NUP98: variants seen among roughly 807,000 people sequenced by gnomAD.
NUP98 encodes the protein nucleoporin 98 and 96 precursor.
Under a neutral mutation model 191.9 loss-of-function variants are expected in NUP98, and 26 were observed. The ratio of observed to expected loss-of-function variants is 0.14; its 90% CI spans 0.10 to 0.19. The LOEUF is 0.19. Ranked by LOEUF, NUP98 falls within the 10% of genes least tolerant of loss-of-function variation. The probability of loss-of-function intolerance (pLI) is 1.00; values close to 1 mark genes in which losing one functional copy is unlikely to be tolerated. For missense variants in NUP98, 1,941 were observed against 2,178.8 expected, an observed-to-expected ratio of 0.89 and a Z score of 2.17; for synonymous variants, 808 against 778.4, an observed-to-expected ratio of 1.04 and a Z score of -0.63.
intron 31 of NUP98, among the ~76,000 whole-genome samples, chr11:3,677,450 T>C (rs1437283311): frequency 4.0e-5 from 6 of 150,150 alleles, no homozygotes; most frequent in African/African-American, 1.5e-4. Flanking sequence ...GGTCTCGTTA[T>C]GTTGCTCAGG....
chr11:3,740,234 G>A (rs2080230821), intron 12 of NUP98, among the ~76,000 whole-genome samples: 1 of 152,180 alleles, frequency 6.6e-6, no homozygotes, highest in Admixed American at 6.5e-5. Flanking sequence ...GTCTAAGCCA[G>A]GCGCGGTGGC....
At chr11:3,759,075 C>T (rs1183345707) in intron 10 of NUP98, among the ~76,000 whole-genome samples, 1 of 152,072 alleles carries the variant, frequency 6.6e-6, no homozygotes, top group African/African-American at 2.4e-5. Flanking sequence ...AGTACAGGAT[C>T]GTTCAAAAGC....
At chr11:3,753,287 T>A in intron 11 of NUP98, 29 bp downstream of exon 11, 1 of 1,547,144 alleles carries the variant, frequency 6.5e-7, no homozygotes, top group Non-Finnish European at 8.9e-7. Context: ...CTGTGTCACT[T>A]CCTAGATCTC....
chr11:3,692,500 G>T (rs1052658998), intron 27 of NUP98, among the ~76,000 whole-genome samples: 4 of 151,700 alleles, frequency 2.6e-5, no homozygotes, highest in African/African-American at 9.7e-5. Context: ...AGTGGCACAT[G>T]CCTGTAGTCC....
At position 3,762,949 on chromosome 11, in the gene NUP98, T is replaced by A. The variant is rs751688099; in HGVS notation, c.1039A>T (p.Thr347Ser). 3 of 1,614,070 alleles carry A rather than the reference T, an allele frequency of 1.9e-6. No homozygotes were observed. Among genetic ancestry groups the A allele is most frequent in the Non-Finnish European group, 2.5e-6 (3 of 1,180,050 alleles). The change falls in exon 9 of 33, where the codon ACA becomes TCA. Residue 347 changes from threonine to serine, a missense_variant. By Grantham distance (58) the Thr-to-Ser change is moderately conservative. Transcript: ENST00000324932. ...TSTGTAFGTG[T>S]GLFGQTNTGF... ...GTATTGGTCTGCCCAAAGAGACCTG[T>A]TCCTGTTCCAAATGCTGTCCCAGTG...
intron 4 of NUP98, 142 bp downstream of exon 4, chr11:3,778,731 A>C: frequency 1.3e-6 from 1 of 743,244 alleles, no homozygotes; most frequent in East Asian, 2.5e-5. Flanking sequence ...TTTTCAGTAC[A>C]TATTGAAGTT....
Position 3,777,602 on chromosome 11 carries a change from C to A in NUP98, c.355+1271G>T, listed in dbSNP as rs1218398696. Among the ~76,000 whole-genome samples the A allele has an allele frequency of 1.5e-4, 16 of 109,888 alleles. No homozygotes were observed. The South Asian group carries it at 3.6e-3, about 25-fold the overall frequency. 72.1% of individuals were successfully genotyped at this position (109,888 alleles called of 152,430 possible). A position where few individuals can be genotyped will look rare whatever the true frequency, so the allele number is the denominator to read the frequency against. ...CGCCACTGCACTCCAGCCCGGGTAA[C>A]AGATCAAGACTCCGTCTCAAAAAAA... On this transcript the variant is annotated intron_variant, in intron 4 of 32. Coordinates refer to ENST00000324932, the MANE Select transcript of NUP98 (RefSeq NM_016320.5).
rs1222243880 is a variant in NUP98 at position 3,753,383 on chromosome 11, A to G, written c.1200T>C (p.Asn400=). ...LFGFGTNTSG[N]SIFGSKPAPG... is the part of the protein sequence containing the mutation. Reference sequence around the variant, plus strand: ...GTGCTGGTTTACTTCCAAAAATACTATTCCCACTGGTATTTGTGCCAAAAC... The same window carrying G: ...GTGCTGGTTTACTTCCAAAAATACTGTTCCCACTGGTATTTGTGCCAAAAC... The change falls in exon 11 of 33, where the codon AAT becomes AAC. Residue 400 remains asparagine, a synonymous_variant. Coordinates refer to ENST00000324932, the MANE Select transcript of NUP98 (RefSeq NM_016320.5). 1 of 1,613,842 alleles carries G rather than the reference A, an allele frequency of 6.2e-7. No individual in the cohort carries two copies. Among genetic ancestry groups the G allele is most frequent in the African/African-American group, 1.3e-5 (1 of 74,902 alleles).
At chr11:3,689,861 T>C (rs1386723352) in intron 28 of NUP98, among the ~76,000 whole-genome samples, 1 of 151,148 alleles carries the variant, frequency 6.6e-6, no homozygotes, top group African/African-American at 2.4e-5. Context: ...GGCCTCGAAC[T>C]CCTGGGCTCA....
At chr11:3,792,103 C>T (rs1447194524) in intron 1 of NUP98, among the ~76,000 whole-genome samples, 5 of 134,862 alleles carry the variant, frequency 3.7e-5, no homozygotes, top group African/African-American at 8.4e-5. Flanking sequence ...GGCGTGAACC[C>T]GGGAAGTGGA....
intron 11 of NUP98, among the ~76,000 whole-genome samples, chr11:3,750,906 G>T (rs555655865): frequency 1.4e-3 from 220 of 152,228 alleles, no homozygotes; most frequent in African/African-American, 4.5e-3. Context: ...AAAGTGCTGG[G>T]ATTAGAAGCA....
chr11:3,683,516 C>A, intron 29 of NUP98, 75 bp from the exon 30 acceptor site: 1 of 1,515,388 alleles, frequency 6.6e-7, no homozygotes. Context: ...CTTAGAGTGG[C>A]CCTTGGGGCA....
chr11:3,712,889 A>G (rs560717304), intron 19 of NUP98, among the ~76,000 whole-genome samples, 161 bp from the exon 20 acceptor site: 46 of 152,264 alleles, frequency 3.0e-4, no homozygotes, highest in Non-Finnish European at 6.2e-4. Flanking sequence ...TTTATCTAAG[A>G]TTTAGAAGAC....
chr11:3,744,400 G>C (rs529145173), intron 12 of NUP98, 109 bp downstream of exon 12: 1 of 1,065,426 alleles, frequency 9.4e-7, no homozygotes, highest in Non-Finnish European at 1.3e-6. Flanking sequence ...TTAATGACAT[G>C]CATGTATGCA....
chr11:3,721,583 C>A (rs2079402630), intron 16 of NUP98, among the ~76,000 whole-genome samples: 1 of 152,062 alleles, frequency 6.6e-6, no homozygotes, highest in South Asian at 2.1e-4. Flanking sequence ...CTTGTAATCC[C>A]AGCTACTCGG....
At chr11:3,735,373 C>T (rs1047829509) in intron 12 of NUP98, 49 bp from the exon 13 acceptor site, 14 of 983,442 alleles carry the variant, frequency 1.4e-5, no homozygotes, top group Non-Finnish European at 1.9e-5. Context: ...TATATAAATG[C>T]AAGGATACAA....
chr11:3,735,131 C>T, intron 13 of NUP98, 60 bp downstream of exon 13: 1 of 1,455,222 alleles, frequency 6.9e-7, no homozygotes, highest in Non-Finnish European at 9.1e-7. Context: ...AAATTACATT[C>T]TGCACATTCA....
At chr11:3,701,428 AT>A (rs1189324983) in intron 23 of NUP98, among the ~76,000 whole-genome samples, 1 of 151,630 alleles carries the variant, frequency 6.6e-6, no homozygotes, top group African/African-American at 2.4e-5. Flanking sequence ...CCCTGGGCTA[AT>A]TTTTGTAATT....
rs148318490 is a variant in NUP98, at chr11:3,748,590, A to C, written c.1268-3941T>G. Among the ~76,000 whole-genome samples the C allele has an allele frequency of 2.2e-3, 339 of 152,340 alleles. 3 individuals carry two copies. The highest frequency in any genetic ancestry group is 7.7e-3 in the African/African-American group (319 of 41,586). ...GAGGCTGAGGCAGGCAGATCACCTGAGGTCAGTCGTCCAAGACCAGCCTGG... is the reference window on the plus strand; with the variant it reads ...GAGGCTGAGGCAGGCAGATCACCTGCGGTCAGTCGTCCAAGACCAGCCTGG... On this transcript the variant is annotated intron_variant, in intron 11 of 32. Transcript: ENST00000324932.
Sources: gnomAD v4.1 joint callset for allele counts (sites outside exome capture counted in the v4.1 genomes callset) on GRCh38, gnomAD v4.1.1 for gene constraint, MANE v1.5 for transcripts, NCBI Gene and HGNC (gene_info 2026-07-23, HGNC 2026-07-21) for gene names.